Variants in SP8 observed in about 807,000 individuals in gnomAD.
SP8 encodes transcription factor Sp8.
A neutral mutation model predicts 15.3 loss-of-function variants in SP8; 7 were observed. The observed-to-expected ratio is 0.46, with a 90% CI of 0.26 to 0.86. The LOEUF (loss-of-function observed/expected upper bound fraction) is 0.86, where lower values mean the gene tolerates loss of function less well. Ranked by LOEUF, SP8 falls within the 40% of genes least tolerant of loss-of-function variation. The pLI is 0.16. For synonymous variants in SP8, 415 were observed against 356.3 expected, an observed-to-expected ratio of 1.16 and a Z score of -1.86; for missense variants, 731 against 736.4, an observed-to-expected ratio of 0.99 and a Z score of 0.09.
chr7:20,784,021 G>T lies in SP8; in HGVS notation c.*269C>A. 2.3e-6 allele frequency: 1 copy of T among 436,324 alleles called. No individual in the cohort carries two copies. Among genetic ancestry groups the T allele is most frequent in the Non-Finnish European group, 3.9e-6 (1 of 253,202 alleles). 27.0% of individuals were successfully genotyped at this position (436,324 alleles called of 1,614,324 possible). On this transcript the variant is annotated 3_prime_UTR_variant, in exon 2 of 2. Coordinates refer to ENST00000418710, the MANE Select transcript of SP8 (RefSeq NM_182700.6). ...GAACGAGAAATAAAGGCCCGACGAG[G>T]CGCGGGTTCCGGCTGCAACGGGTTC...
chr7:20,784,220 T>A lies in SP8; in HGVS notation c.*70A>T. On this transcript the variant is annotated 3_prime_UTR_variant, in exon 2 of 2. Transcript: ENST00000418710. The stretch of plus-strand genomic sequence containing the variant: ...CAATAGGGAAAGGCTGGAGTTGAAG[T>A]CCGGACAGACAGGGCCCAAGAGGAC... 1.5e-6 allele frequency: 2 copies of A among 1,306,184 alleles called. No individual in the cohort carries two copies. The highest frequency in any genetic ancestry group is 2.0e-6 in the Non-Finnish European group (2 of 1,011,440). 80.9% of individuals were successfully genotyped at this position (1,306,184 alleles called of 1,614,324 possible).
rs770823639 is a variant in SP8, at chr7:20,785,424, TGCGGCGGCGGCG to T, written c.381_392del (p.Ala131_Ala134del). 4.8e-5 allele frequency: 56 copies of T among 1,167,160 alleles called. No homozygotes were observed. Among genetic ancestry groups the T allele is most frequent in the Middle Eastern group, 3.7e-4 (1 of 2,712 alleles). 72.3% of individuals were successfully genotyped at this position (1,167,160 alleles called of 1,614,324 possible). ...CGAAGGGCGAGCTGGAGGCGGCGGC[TGCGGCGGCGGCG>T]GCGGCGGCTGCGGCGCTGCTGGAGG... On this transcript the variant is annotated inframe_deletion, in exon 2 of 2. Coordinates refer to ENST00000418710, the MANE Select transcript of SP8 (RefSeq NM_182700.6). This position sits in a 1 kb window ranked among gnomAD's most constrained non-coding sequence, Gnocchi z 7.2.
chr7:20,785,497 C>T lies in SP8; in HGVS notation c.320G>A (p.Cys107Tyr). Residue 107 changes from cysteine to tyrosine, a missense_variant, in exon 2 of 2, where the codon TGC becomes TAC. By Grantham distance (194) the Cys-to-Tyr change is radical. Coordinates refer to ENST00000418710, the MANE Select transcript of SP8 (RefSeq NM_182700.6). This position sits in a 1 kb window ranked among gnomAD's most constrained non-coding sequence, Gnocchi z 7.2. ...AAALVSDSFS[C>Y]GGSPGSSAFS... ...GGCGCTGGAGCCAGGCGAGCCGCCG[C>T]AGCTGAACGAGTCGGACACCAGGGC... The T allele has an allele frequency of 7.6e-6, 11 of 1,440,320 alleles. No homozygotes were observed. The highest frequency in any genetic ancestry group is 9.0e-6 in the Non-Finnish European group (10 of 1,107,410). The allele number at this position is 1,440,320 out of a possible 1,614,324, so 89.2% of individuals were successfully genotyped here.
chr7:20,785,884 C>T lies in SP8; in HGVS notation c.22-89G>A. 2 of 1,484,884 alleles carry T rather than the reference C, an allele frequency of 1.3e-6. No individual in the cohort carries two copies. The highest frequency in any genetic ancestry group is 1.8e-6 in the Non-Finnish European group (2 of 1,100,332). The allele number at this position is 1,484,884 out of a possible 1,614,324, so 92.0% of individuals were successfully genotyped here. ...AAGGAAGAAATGTGCATCAGTCCTT[C>T]GGTAGCCTCCAAAGCGCCCCACTGC... On this transcript the variant is annotated intron_variant, in intron 1 of 1. Transcript: ENST00000418710. This position sits in a 1 kb window ranked among gnomAD's most constrained non-coding sequence, Gnocchi z 7.2.
At position 20,784,956 on chromosome 7, in the gene SP8, C is replaced by G; in HGVS notation, c.861G>C (p.Ser287=). Residue 287 remains serine (S), a synonymous_variant, in exon 2 of 2, where the codon TCG becomes TCC. Coordinates refer to ENST00000418710, the MANE Select transcript of SP8 (RefSeq NM_182700.6). The stretch of plus-strand genomic sequence containing the variant: ...GCTGCCCGGCGGGGCTGAGCAGGTG[C>G]GAGGAGGCGCCGCTGCTGAAGGCCG... ...SHSAFSSGAS[S]HLLSPAGQHL... 2 of 1,560,480 alleles carry G rather than the reference C, an allele frequency of 1.3e-6. No homozygotes were observed. The highest frequency in any genetic ancestry group is 1.7e-6 in the Non-Finnish European group (2 of 1,160,244).
In SP8 at chr7:20,784,857, C is replaced by A; in HGVS notation, c.960G>T (p.Ala320=). Residue 320 remains alanine, a synonymous_variant, in exon 2 of 2, where the codon GCG becomes GCT. Transcript: ENST00000418710. The part of the protein sequence containing the change: ...PDSAPSPLAG[A]GGSMLSAGPS... ...GCCCAGCGCTCAACATGGAGCCCCC[C>A]GCGCCGGCCAGCGGCGACGGGGCCG... is the stretch of plus-strand genomic sequence containing the variant. 2 of 1,525,972 alleles carry A rather than the reference C, an allele frequency of 1.3e-6. No homozygotes were observed. Among genetic ancestry groups the A allele is most frequent in the Non-Finnish European group, 1.7e-6 (2 of 1,142,912 alleles). 94.5% of individuals were successfully genotyped at this position (1,525,972 alleles called of 1,614,324 possible). A position where few individuals can be genotyped will look rare whatever the true frequency, so the allele number is the denominator to read the frequency against.
Position 20,785,912 on chromosome 7 carries a change from C to G in SP8, c.22-117G>C, listed in dbSNP as rs935183609. Reference sequence around the variant, plus strand: ...TAGCCTCCAAAGCGCCCCACTGCACCCCATCTCTCGCTGCGGCGCGCCGCC... The same window carrying G: ...TAGCCTCCAAAGCGCCCCACTGCACGCCATCTCTCGCTGCGGCGCGCCGCC... On this transcript the variant is annotated intron_variant, in intron 1 of 1. Coordinates refer to ENST00000418710, the MANE Select transcript of SP8 (RefSeq NM_182700.6). This position sits in a 1 kb window ranked among gnomAD's most constrained non-coding sequence, Gnocchi z 7.2. 3.4e-6 allele frequency: 5 copies of G among 1,462,206 alleles called. No homozygotes were observed. The highest frequency in any genetic ancestry group is 2.5e-4 in the Middle Eastern group (1 of 3,976). The allele number at this position is 1,462,206 out of a possible 1,614,324, so 90.6% of individuals were successfully genotyped here. A position where few individuals can be genotyped will look rare whatever the true frequency, so the allele number is the denominator to read the frequency against.
rs1044849863 is a variant in SP8, at chr7:20,786,184, C to A, written c.22-389G>T. 1 of 310,504 alleles carries A rather than the reference C, an allele frequency of 3.2e-6. No individual in the cohort carries two copies. The highest frequency in any genetic ancestry group is 2.2e-5 in the African/African-American group (1 of 45,434). The allele number at this position is 310,504 out of a possible 1,614,324, so 19.2% of individuals were successfully genotyped here. On this transcript the variant is annotated intron_variant, in intron 1 of 1. Transcript: ENST00000418710. The surrounding 1 kb of genome is among the most constrained non-coding windows in gnomAD (Gnocchi z 4.4). ...CTTTGCCGAGAAGCCTGGGGGAAAA[C>A]CATTGGATTGCTTTTAAGAGCGCTT...
Position 20,783,050 on chromosome 7 carries a change from T to C in SP8, c.*1240A>G, listed in dbSNP as rs1409630053. 6.6e-6 allele frequency: 1 copy of C among 152,436 alleles called. No homozygotes were observed. Among genetic ancestry groups the C allele is most frequent in the Non-Finnish European group, 1.5e-5 (1 of 68,038 alleles). 9.4% of individuals were successfully genotyped at this position (152,436 alleles called of 1,614,324 possible). A position where few individuals can be genotyped will look rare whatever the true frequency, so the allele number is the denominator to read the frequency against. ...TCAGATATATTTTACAAAGGTTCTT[T>C]TTTATTTTCCCTCTTTTGGTATTTA... On this transcript the variant is annotated 3_prime_UTR_variant, in exon 2 of 2. Coordinates refer to ENST00000418710, the MANE Select transcript of SP8 (RefSeq NM_182700.6).
In SP8 at chr7:20,784,320, G is replaced by C. The variant is rs966977809; in HGVS notation, c.1497C>G (p.Pro499=). 1.2e-5 allele frequency: 18 copies of C among 1,503,120 alleles called. No individual in the cohort carries two copies. Among genetic ancestry groups the C allele is most frequent in the Non-Finnish European group, 1.6e-5 (18 of 1,133,130 alleles). 93.1% of individuals were successfully genotyped at this position (1,503,120 alleles called of 1,614,324 possible). Reference sequence around the variant, plus strand: ...CTAGGCCGTTGCGGTGCCCGGGCTCGGGGGGCTGCAGCAGCTCTGGGGAGT... The same window carrying C: ...CTAGGCCGTTGCGGTGCCCGGGCTCCGGGGGCTGCAGCAGCTCTGGGGAGT... ...PCHSPELLQP[P]EPGHRNGLE Residue 499 remains proline (P), a synonymous_variant, in exon 2 of 2, where the codon CCC becomes CCG. Transcript: ENST00000418710.
chr7:20,786,004 A>C lies in SP8; in HGVS notation c.22-209T>G. ...GCTTCCTACTCTACAGGAGGGGACA[A>C]GTTTGGCTGCCGGCGTCTGATTCGG... On this transcript the variant is annotated intron_variant, in intron 1 of 1. Coordinates refer to ENST00000418710, the MANE Select transcript of SP8 (RefSeq NM_182700.6). The surrounding 1 kb of genome is among the most constrained non-coding windows in gnomAD (Gnocchi z 4.4). 1 of 1,409,936 alleles carries C rather than the reference A, an allele frequency of 7.1e-7. No individual in the cohort carries two copies. 87.3% of individuals were successfully genotyped at this position (1,409,936 alleles called of 1,614,324 possible). A position where few individuals can be genotyped will look rare whatever the true frequency, so the allele number is the denominator to read the frequency against.
Position 20,784,875 on chromosome 7 carries a change from C to T in SP8, c.942G>A (p.Pro314=), listed in dbSNP as rs747164733. The T allele has an allele frequency of 1.3e-6, 2 of 1,527,016 alleles. No individual in the cohort carries two copies. The highest frequency in any genetic ancestry group is 1.7e-6 in the Non-Finnish European group (2 of 1,143,416). 94.6% of individuals were successfully genotyped at this position (1,527,016 alleles called of 1,614,324 possible). A position where few individuals can be genotyped will look rare whatever the true frequency, so the allele number is the denominator to read the frequency against. Reference sequence around the variant, plus strand: ...AGCCCCCCGCGCCGGCCAGCGGCGACGGGGCCGAGTCCGGGTAGGAGCCGG... The same window carrying T: ...AGCCCCCCGCGCCGGCCAGCGGCGATGGGGCCGAGTCCGGGTAGGAGCCGG... ...VLPGSYPDSA[P]SPLAGAGGSM... Residue 314 remains proline, a synonymous_variant, in exon 2 of 2, where the codon CCG becomes CCA. Transcript: ENST00000418710.
chr7:20,785,511 G>T lies in SP8; in HGVS notation c.306C>A (p.Ser102=). 1 of 1,456,358 alleles carries T rather than the reference G, an allele frequency of 6.9e-7. No individual in the cohort carries two copies. The highest frequency in any genetic ancestry group is 1.4e-5 in the South Asian group (1 of 73,060). The allele number at this position is 1,456,358 out of a possible 1,614,324, so 90.2% of individuals were successfully genotyped here. The change falls in exon 2 of 2, where the codon TCC becomes TCA. Residue 102 remains serine, a synonymous_variant. Coordinates refer to ENST00000418710, the MANE Select transcript of SP8 (RefSeq NM_182700.6). This position sits in a 1 kb window ranked among gnomAD's most constrained non-coding sequence, Gnocchi z 7.2. ...AAAAAAAALV[S]DSFSCGGSPG... ...GCGAGCCGCCGCAGCTGAACGAGTC[G>T]GACACCAGGGCCGCGGCAGCCGCGG... is the stretch of plus-strand genomic sequence containing the variant.
rs1783527004 is a variant in SP8, at chr7:20,782,538, T to C, written c.*1752A>G. 1 of 147,830 alleles carries C rather than the reference T, an allele frequency of 6.8e-6. No homozygotes were observed. Among genetic ancestry groups the C allele is most frequent in the African/African-American group, 2.5e-5 (1 of 39,542 alleles). 9.2% of individuals were successfully genotyped at this position (147,830 alleles called of 1,614,324 possible). A position where few individuals can be genotyped will look rare whatever the true frequency, so the allele number is the denominator to read the frequency against. On this transcript the variant is annotated 3_prime_UTR_variant, in exon 2 of 2. Transcript: ENST00000418710. ...CACAAAGGCCAAAGTTAGTCGAGTT[T>C]CACTTGGACAATTTATTTAATACAT...
rs761310871 is a variant in SP8 at position 20,785,073 on chromosome 7, G to T, written c.744C>A (p.Pro248=). The T allele has an allele frequency of 7.0e-6, 11 of 1,581,172 alleles. No homozygotes were observed. Among genetic ancestry groups the T allele is most frequent in the Non-Finnish European group, 8.6e-6 (10 of 1,169,432 alleles). The part of the protein sequence containing the change: ...VQNPNSAAAL[P]GSLHPAAGGL... ...CCCCGGCGGCAGGGTGCAGCGAGCC[G>T]GGCAGCGCAGCCGCGCTGTTCGGGT... The change falls in exon 2 of 2, where the codon CCC becomes CCA. Residue 248 remains proline (P), a synonymous_variant. Coordinates refer to ENST00000418710, the MANE Select transcript of SP8 (RefSeq NM_182700.6). This position sits in a 1 kb window ranked among gnomAD's most constrained non-coding sequence, Gnocchi z 7.2.
At position 20,784,507 on chromosome 7, in the gene SP8, G is replaced by T; in HGVS notation, c.1310C>A (p.Pro437Gln). 6.4e-7 allele frequency: 1 copy of T among 1,563,134 alleles called. No individual in the cohort carries two copies. The highest frequency in any genetic ancestry group is 8.7e-7 in the Non-Finnish European group (1 of 1,154,974). ...GCGCATGAAGCGCTTGTTGCAAACT[G>T]GACAGGCGAAGCGCTTCTCGCCGGT... ...THTGEKRFAC[P>Q]VCNKRFMRSD... The change falls in exon 2 of 2, where the codon CCA (proline) becomes CAA (glutamine). Residue 437 changes from proline (P) to glutamine (Q), a missense_variant. By Grantham distance (76) the Pro-to-Gln change is moderately conservative (BLOSUM62 -1). This residue lies in a region of SP8 where 114 missense variants were observed against 111.9 expected (regional missense o/e 1.02). Coordinates refer to ENST00000418710, the MANE Select transcript of SP8 (RefSeq NM_182700.6).
chr7:20,784,635 G>A lies in SP8; in HGVS notation c.1182C>T (p.His394=). 2 of 1,610,516 alleles carry A rather than the reference G, an allele frequency of 1.2e-6. No individual in the cohort carries two copies. Among genetic ancestry groups the A allele is most frequent in the South Asian group, 1.1e-5 (1 of 90,740 alleles). The change falls in exon 2 of 2, where the codon CAC becomes CAT. Residue 394 remains histidine, a synonymous_variant. Coordinates refer to ENST00000418710, the MANE Select transcript of SP8 (RefSeq NM_182700.6). ...GCCGCTCGCCCGTGTGCCAGCGCAG[G>A]TGCGCCTTGAGGTGCGAAGTCTTGC... ...VYGKTSHLKA[H]LRWHTGERPF...
At position 20,784,519 on chromosome 7, in the gene SP8, C is replaced by G; in HGVS notation, c.1298G>C (p.Arg433Pro). 1 of 1,568,966 alleles carries G rather than the reference C, an allele frequency of 6.4e-7. No homozygotes were observed. The highest frequency in any genetic ancestry group is 8.6e-7 in the Non-Finnish European group (1 of 1,158,346). The change falls in exon 2 of 2, where the codon CGC becomes CCC. Residue 433 changes from arginine (R) to proline (P), a missense_variant. Around this residue, in one of 3 missense-constraint regions of SP8, gnomAD observed 31 missense variants for 99.6 expected, o/e 0.31. Coordinates refer to ENST00000418710, the MANE Select transcript of SP8 (RefSeq NM_182700.6). Reference protein sequence around the residue: ...RHLRTHTGEKRFACPVCNKRF... With the variant: ...RHLRTHTGEKPFACPVCNKRF... Reference sequence around the variant, plus strand: ...CTTGTTGCAAACTGGACAGGCGAAGCGCTTCTCGCCGGTGTGGGTCCGCAG... The same window carrying G: ...CTTGTTGCAAACTGGACAGGCGAAGGGCTTCTCGCCGGTGTGGGTCCGCAG...
At position 20,785,321 on chromosome 7, in the gene SP8, A is replaced by AGCC. The variant is rs372591893; in HGVS notation, c.493_495dup (p.Gly165dup). On this transcript the variant is annotated inframe_insertion, in exon 2 of 2. Coordinates refer to ENST00000418710, the MANE Select transcript of SP8 (RefSeq NM_182700.6). The surrounding 1 kb of genome is among the most constrained non-coding windows in gnomAD (Gnocchi z 7.2). Reference sequence around the variant, plus strand: ...GAGCCGTCCTGCGAGTGCGCGGAGGAGCCGCCGCCGCCGCCCCCGCCGCCG... The same window carrying AGCC: ...GAGCCGTCCTGCGAGTGCGCGGAGGAGCCGCCGCCGCCGCCGCCCCCGCCGCCG... 27 of 1,488,104 alleles carry AGCC rather than the reference A, an allele frequency of 1.8e-5. No homozygotes were observed. The highest frequency in any genetic ancestry group is 2.9e-5 in the East Asian group (1 of 34,324). The allele number at this position is 1,488,104 out of a possible 1,614,324, so 92.2% of individuals were successfully genotyped here.
Sources: gnomAD v4.1 joint callset for allele counts on GRCh38, gnomAD v4.1.1 for gene constraint, gnomAD v4.1.1 regional missense constraint, Gnocchi (gnomAD v3.1) non-coding constraint, MANE v1.5 for transcripts, NCBI Gene and HGNC (gene_info 2026-07-23, HGNC 2026-07-21) for gene names.